Variants in CHRNA2 observed in about 807,000 individuals in gnomAD.
The protein encoded by CHRNA2 is cholinergic receptor nicotinic alpha 2 subunit, also known as neuronal acetylcholine receptor subunit alpha-2.
A neutral mutation model predicts 45.5 loss-of-function variants in CHRNA2; 40 were observed. That is an observed-to-expected ratio of 0.88 (90% CI 0.68 to 1.15). The LOEUF is 1.15. CHRNA2 is among the 50% of genes most tolerant of loss of function. The pLI is 0.00. For missense variants in CHRNA2, 655 were observed against 701.7 expected (o/e 0.93, Z 0.75); for synonymous variants, 301 against 296.7 (o/e 1.01, Z -0.15).
intron 1 of CHRNA2, among the ~76,000 whole-genome samples, chr8:27,477,657 G>A (rs1813100100): frequency 2.0e-5 from 3 of 152,068 alleles, no homozygotes; most frequent in South Asian, 4.1e-4. Flanking sequence ...GTGATTGACA[G>A]TAATTAGAGG....
intron 4 of CHRNA2, 146 bp from the exon 5 acceptor site, chr8:27,467,484 G>T (rs1812736082): frequency 1.6e-6 from 1 of 638,462 alleles, no homozygotes. Flanking sequence ...ATAGTGGAGG[G>T]AGCTGCGGTG....
chr8:27,471,570 C>G (rs1229506449), intron 1 of CHRNA2, among the ~76,000 whole-genome samples: 2 of 152,184 alleles, frequency 1.3e-5, no homozygotes, highest in East Asian at 3.8e-4. Flanking sequence ...AGCCTTTTGT[C>G]CAAACAAATG....
chr8:27,459,979 AG>A lies in CHRNA2; in HGVS notation c.*1649del. 6.5e-6 allele frequency: 1 copy of A among 152,902 alleles called. No individual in the cohort carries two copies. The highest frequency in any genetic ancestry group is 1.5e-5 in the Non-Finnish European group (1 of 68,536). The allele number at this position is 152,902 out of a possible 1,614,324, so 9.5% of individuals were successfully genotyped here. Reference sequence around the variant, plus strand: ...GCCAGAGACCAGATGTGCCATGAGCAGGGGGGTTGTGGGAGAGAAGTGAGGC... The same window carrying A: ...GCCAGAGACCAGATGTGCCATGAGCAGGGGGTTGTGGGAGAGAAGTGAGGC... On this transcript the variant is annotated 3_prime_UTR_variant, in exon 7 of 7. Transcript: ENST00000407991.
intron 1 of CHRNA2, among the ~76,000 whole-genome samples, chr8:27,473,873 G>C (rs567883090): frequency 6.6e-6 from 1 of 152,166 alleles, no homozygotes; most frequent in South Asian, 2.1e-4. Flanking sequence ...TCTCTCCCAG[G>C]GTCGGTTGCA....
chr8:27,463,914 C>CT lies in CHRNA2; in HGVS notation c.528_529insA (p.Ala177SerfsTer31), dbSNP rs1812614473. On this transcript the variant is annotated frameshift_variant, in exon 6 of 7. Coordinates refer to ENST00000407991, the MANE Select transcript of CHRNA2 (RefSeq NM_000742.4). LOFTEE classifies it high-confidence loss of function. The surrounding 1 kb of genome is among the most constrained non-coding windows in gnomAD (Gnocchi z 6.1). Reference sequence around the variant, plus strand: ...ATGCTGCAGGAGCTCTTGTAGATGGCCGGGGGCACCCAGTGCACAGTGCCC... The same window carrying CT: ...ATGCTGCAGGAGCTCTTGTAGATGGCTCGGGGGCACCCAGTGCACAGTGCCC... 6.2e-7 allele frequency: 1 copy of CT among 1,614,004 alleles called. No homozygotes were observed. Among genetic ancestry groups the CT allele is most frequent in the African/African-American group, 1.3e-5 (1 of 74,902 alleles).
Position 27,463,462 on chromosome 8 carries a change from G to A in CHRNA2, c.981C>T (p.Leu327=). 6.2e-7 allele frequency: 1 copy of A among 1,614,222 alleles called. No individual in the cohort carries two copies. Residue 327 remains leucine, a synonymous_variant, in exon 6 of 7, where the codon CTC becomes CTT. Coordinates refer to ENST00000407991, the MANE Select transcript of CHRNA2 (RefSeq NM_000742.4). This position sits in a 1 kb window ranked among gnomAD's most constrained non-coding sequence, Gnocchi z 6.1. ...IIPSTSLVIP[L]IGEYLLFTMI... ...TGGTGAACAGCAGGTACTCGCCGAT[G>A]AGCGGGATGACCAGCGAGGTGGACG...
chr8:27,461,842 C>A (rs944338079), intron 6 of CHRNA2, 88 bp from the exon 7 acceptor site: 5 of 1,591,894 alleles, frequency 3.1e-6, no homozygotes, highest in East Asian at 4.5e-5. Flanking sequence ...CAGGCGGCCA[C>A]TGGGGGCAGC....
chr8:27,467,956 C>A (rs747111), intron 4 of CHRNA2, among the ~76,000 whole-genome samples: 39,446 of 152,038 alleles, frequency 0.26, 6,265 homozygotes, highest in Middle Eastern at 0.36. Flanking sequence ...CCAAATCAGT[C>A]CCCCTGCCTC....
In CHRNA2 at chr8:27,461,251, C is replaced by T. The variant is rs943412642; in HGVS notation, c.*378G>A. The T allele has an allele frequency of 7.8e-6, 2 of 257,048 alleles. No individual in the cohort carries two copies. Among genetic ancestry groups the T allele is most frequent in the Admixed American group, 4.7e-5 (1 of 21,154 alleles). The allele number at this position is 257,048 out of a possible 1,614,324, so 15.9% of individuals were successfully genotyped here. Reference sequence around the variant, plus strand: ...GAACCCTCCCCTTTGCCCCCACGGCCCCTCCTTTGAGGTCTGCATTCCCTT... The same window carrying T: ...GAACCCTCCCCTTTGCCCCCACGGCTCCTCCTTTGAGGTCTGCATTCCCTT... On this transcript the variant is annotated 3_prime_UTR_variant, in exon 7 of 7. Transcript: ENST00000407991.
In CHRNA2 at chr8:27,463,173, C is replaced by A; in HGVS notation, c.1270G>T (p.Ala424Ser). ...EVVVEEEDRW[A>S]CAGHVAPSVG... ...GAGGGGGCCACATGACCTGCACATG[C>A]CCATCTGTCCTCCTCCTCCACCACC... Residue 424 changes from alanine to serine, a missense_variant, in exon 6 of 7, where the codon GCA becomes TCA. This residue lies in a region of CHRNA2 where 295 missense variants were observed against 280.4 expected (regional missense o/e 1.05). Coordinates refer to ENST00000407991, the MANE Select transcript of CHRNA2 (RefSeq NM_000742.4). This position sits in a 1 kb window ranked among gnomAD's most constrained non-coding sequence, Gnocchi z 6.1. 6.3e-7 allele frequency: 1 copy of A among 1,595,572 alleles called. No homozygotes were observed. The highest frequency in any genetic ancestry group is 8.6e-7 in the Non-Finnish European group (1 of 1,167,576).
At chr8:27,471,411 G>C (rs572380783) in intron 1 of CHRNA2, among the ~76,000 whole-genome samples, 7 of 152,296 alleles carry the variant, frequency 4.6e-5, no homozygotes, top group African/African-American at 1.7e-4. Context: ...GACCAGCCCT[G>C]ACCTACTGGG....
intron 1 of CHRNA2, chr8:27,475,119 G>A (rs780148864): frequency 1.6e-4 from 24 of 152,012 alleles, no homozygotes; most frequent in South Asian, 4.2e-4. Context: ...AACATGTATC[G>A]GTCACTTAAT....
At chr8:27,469,492 C>A in intron 3 of CHRNA2, 113 bp from the exon 4 acceptor site, 2 of 1,167,558 alleles carry the variant, frequency 1.7e-6, no homozygotes, top group South Asian at 1.3e-5. Context: ...CCAAGCCCAG[C>A]CCGCCCGCCA....
chr8:27,462,892 TGCCCAAGC>T, intron 6 of CHRNA2, 79 bp downstream of exon 6: 1 of 1,549,090 alleles, frequency 6.5e-7, no homozygotes. Context: ...GGGCCTGGGC[TGCCCAAGC>T]TCACACTCTG....
rs1812548908 is a variant in CHRNA2 at position 27,463,022 on chromosome 8, T to C, written c.1421A>G (p.His474Arg). The C allele has an allele frequency of 6.2e-7, 1 of 1,613,962 alleles. No individual in the cohort carries two copies. The highest frequency in any genetic ancestry group is 1.3e-5 in the African/African-American group (1 of 74,948). Reference protein sequence around the residue: ...PHMQKALEGVHYIADHLRSED... With the variant: ...PHMQKALEGVRYIADHLRSED... ...AGACCGCAGGTGGTCGGCAATGTAG[T>C]GCACACCTTCCAGTGCCTTCTGCAT... The change falls in exon 6 of 7, where the codon CAC (histidine) becomes CGC (arginine). Residue 474 changes from histidine (H) to arginine (R), a missense_variant. Physicochemically the swap from His to Arg is conservative, Grantham distance 29. Coordinates refer to ENST00000407991, the MANE Select transcript of CHRNA2 (RefSeq NM_000742.4). The surrounding 1 kb of genome is among the most constrained non-coding windows in gnomAD (Gnocchi z 6.1).
chr8:27,467,356 G>T lies in CHRNA2; in HGVS notation c.340-18C>A, dbSNP rs975875474. On this transcript the variant is annotated intron_variant, in intron 4 of 6. Transcript: ENST00000407991. The stretch of plus-strand genomic sequence containing the variant: ...CTCCACTCCTGTGTGTGGGGAAGGA[G>T]TTGTGTCAACCTCGCTTCCAGGGAG... The T allele has an allele frequency of 4.4e-6, 7 of 1,587,488 alleles. No individual in the cohort carries two copies. Among genetic ancestry groups the T allele is most frequent in the Middle Eastern group, 3.3e-4 (2 of 6,004 alleles).
At chr8:27,476,797 C>G (rs1190318216) in intron 1 of CHRNA2, among the ~76,000 whole-genome samples, 1 of 152,182 alleles carries the variant, frequency 6.6e-6, no homozygotes, top group Non-Finnish European at 1.5e-5. Flanking sequence ...GATATTAGAA[C>G]ACAGGGCTGA....
chr8:27,467,483 G>A, intron 4 of CHRNA2, 145 bp from the exon 5 acceptor site: 1 of 640,676 alleles, frequency 1.6e-6, no homozygotes. Flanking sequence ...AATAGTGGAG[G>A]GAGCTGCGGT....
In CHRNA2 at chr8:27,478,807, T is replaced by A. The variant is rs1256792522; in HGVS notation, c.-137+17A>T. 6.6e-6 allele frequency: 1 copy of A among 152,096 alleles called. No individual in the cohort carries two copies. The highest frequency in any genetic ancestry group is 1.5e-5 in the Non-Finnish European group (1 of 68,044). The allele number at this position is 152,096 out of a possible 1,614,324, so 9.4% of individuals were successfully genotyped here. Reference sequence around the variant, plus strand: ...ATGCATGCCGCCCTCAACATAAGCCTTGGGTACCTTTCTTACCTGTGGTTA... The same window carrying A: ...ATGCATGCCGCCCTCAACATAAGCCATGGGTACCTTTCTTACCTGTGGTTA... On this transcript the variant is annotated intron_variant, in intron 1 of 6. Transcript: ENST00000407991.
Sources: gnomAD v4.1 joint callset for allele counts (sites outside exome capture counted in the v4.1 genomes callset) on GRCh38, gnomAD v4.1.1 for gene constraint, gnomAD v4.1.1 regional missense constraint, Gnocchi (gnomAD v3.1) non-coding constraint, MANE v1.5 for transcripts, NCBI Gene and HGNC (gene_info 2026-07-23, HGNC 2026-07-21) for gene names.